Variants in FGL1 observed in about 807,000 individuals in gnomAD.
The protein encoded by FGL1 is fibrinogen like 1.
FGL1 carries 59 observed loss-of-function variants against 43.7 expected under a neutral mutation model. The observed-to-expected ratio is 1.35, with a 90% CI of 1.10 to 1.68. FGL1 has a LOEUF of 1.68. Among genes scored for constraint, FGL1 ranks in the 40% most tolerant of loss-of-function variants. FGL1 has a pLI of 0.00. For synonymous variants in FGL1, 192 were observed against 126.5 expected (o/e 1.52, Z -3.48); for missense variants, 596 against 373.0 (o/e 1.60, Z -4.92).
At chr8:17,889,059 G>A (rs539631429) in intron 1 of FGL1, among the ~76,000 whole-genome samples, 11 of 152,224 alleles carry the variant, frequency 7.2e-5, no homozygotes, top group South Asian at 4.2e-4. Flanking sequence ...AGCAGCCTGC[G>A]TGGCCTGGGG....
Position 17,895,444 on chromosome 8 carries a change from T to C in FGL1, c.-18+3A>G, listed in dbSNP as rs187046089. ...AAAAATGCAGAGACATTAAATAACT[T>C]GCCTAAAGTCAGAAGTGAGTCAGAG... is the stretch of plus-strand genomic sequence containing the variant. On this transcript the variant is annotated splice_donor_region_variant and intron_variant, in intron 1 of 7. Transcript: ENST00000427924. 7.8e-7 allele frequency: 1 copy of C among 1,283,666 alleles called. No homozygotes were observed. The highest frequency in any genetic ancestry group is 2.3e-5 in the Admixed American group (1 of 43,326). 79.5% of individuals were successfully genotyped at this position (1,283,666 alleles called of 1,614,324 possible). A position where few individuals can be genotyped will look rare whatever the true frequency, so the allele number is the denominator to read the frequency against.
chr8:17,887,407 T>C (rs1172720330), intron 1 of FGL1, among the ~76,000 whole-genome samples: 1 of 152,218 alleles, frequency 6.6e-6, no homozygotes, highest in Non-Finnish European at 1.5e-5. Flanking sequence ...GTCTTCTTTC[T>C]GAAGAGAGGC....
intron 2 of FGL1, among the ~76,000 whole-genome samples, chr8:17,883,213 AAT>A (rs1563458196): frequency 7.0e-5 from 3 of 43,088 alleles, no homozygotes; most frequent in African/African-American, 1.5e-4. Context: ...AATAATATAT[AAT>A]ATATATCATA....
chr8:17,865,007 A>T (rs1199458915), intron 7 of FGL1, among the ~76,000 whole-genome samples: 1 of 151,816 alleles, frequency 6.6e-6, no homozygotes, highest in East Asian at 1.9e-4. Context: ...GCTGGTCTCC[A>T]ACTCCTGAGC....
intron 2 of FGL1, among the ~76,000 whole-genome samples, chr8:17,884,185 CCTT>C (rs2053594665): frequency 7.0e-6 from 1 of 143,202 alleles, no homozygotes; most frequent in Admixed American, 6.9e-5. Context: ...TAGGATGATT[CCTT>C]CTCTCTCTCT....
chr8:17,880,913 C>G (rs1231389430), intron 3 of FGL1, among the ~76,000 whole-genome samples: 1 of 152,118 alleles, frequency 6.6e-6, no homozygotes, highest in Non-Finnish European at 1.5e-5. Context: ...TTGAAAGGAA[C>G]ATTATGAAAT....
intron 3 of FGL1, among the ~76,000 whole-genome samples, chr8:17,879,968 C>T (rs186044181): frequency 6.6e-6 from 1 of 152,278 alleles, no homozygotes; most frequent in East Asian, 1.9e-4. Context: ...TAATGATGAT[C>T]CACTGGCATC....
At chr8:17,875,539 T>TTCTCTCTCTCTCTCTCTCTCTC (rs1563452396) in intron 3 of FGL1, among the ~76,000 whole-genome samples, 1 of 14,658 alleles carries the variant, frequency 6.8e-5, no homozygotes, top group African/African-American at 2.0e-4. Flanking sequence ...TTCTTTCTCT[T>TTCTCTCTCTCTCTCTCTCTCTC]TCTTTCTTTC....
At chr8:17,883,494 T>G (rs1393463676) in intron 2 of FGL1, among the ~76,000 whole-genome samples, 1 of 128,906 alleles carries the variant, frequency 7.8e-6, no homozygotes, top group Non-Finnish European at 1.5e-5. Flanking sequence ...TATAATATAT[T>G]AAATATATTT....
At chr8:17,888,969 G>A (rs1340422271) in intron 1 of FGL1, among the ~76,000 whole-genome samples, 1 of 152,092 alleles carries the variant, frequency 6.6e-6, no homozygotes, top group Non-Finnish European at 1.5e-5. Flanking sequence ...CACAATAAGA[G>A]AATAATATTT....
intron 1 of FGL1, among the ~76,000 whole-genome samples, chr8:17,886,293 G>C (rs185163944): frequency 2.6e-5 from 4 of 152,294 alleles, no homozygotes; most frequent in Non-Finnish European, 4.4e-5. Context: ...GAGTTAAGAA[G>C]GAGTTGGGGA....
chr8:17,868,023 T>C (rs576517512), intron 7 of FGL1, among the ~76,000 whole-genome samples: 2 of 152,334 alleles, frequency 1.3e-5, no homozygotes, highest in African/African-American at 4.8e-5. Flanking sequence ...TAAAGTAACA[T>C]GAATGTATTC....
At chr8:17,884,846 G>A (rs957103440) in intron 2 of FGL1, among the ~76,000 whole-genome samples, 4 of 152,082 alleles carry the variant, frequency 2.6e-5, no homozygotes, top group Non-Finnish European at 5.9e-5. Flanking sequence ...ATTCACAAAT[G>A]AAGGACAACA....
At chr8:17,876,532 G>A (rs2053458650) in intron 3 of FGL1, among the ~76,000 whole-genome samples, 1 of 152,100 alleles carries the variant, frequency 6.6e-6, no homozygotes, top group South Asian at 2.1e-4. Context: ...TTATAAAAAG[G>A]ATCCTGTTTT....
chr8:17,874,413 C>T lies in FGL1; in HGVS notation c.353G>A (p.Gly118Glu), dbSNP rs1389032818. The change falls in exon 4 of 8, where the codon GGA becomes GAA. Residue 118 changes from glycine to glutamate, a missense_variant. By Grantham distance (98) the Gly-to-Glu change is moderately conservative. Coordinates refer to ENST00000427924, the MANE Select transcript of FGL1 (RefSeq NM_004467.4). The part of the protein sequence containing the change: ...FSVYCDMSDG[G>E]GWTVIQRRSD... ...TCGTCTCTGAATTACAGTCCATCCT[C>T]CTCCATCGGACATGTCACAATAAAC... is the stretch of plus-strand genomic sequence containing the variant. The T allele has an allele frequency of 3.1e-6, 5 of 1,614,154 alleles. No homozygotes were observed. The highest frequency in any genetic ancestry group is 4.2e-6 in the Non-Finnish European group (5 of 1,180,016).
chr8:17,891,784 T>G (rs984881991), intron 1 of FGL1: 26 of 983,828 alleles, frequency 2.6e-5, no homozygotes, highest in South Asian at 1.4e-4. Context: ...AAGATGTCTT[T>G]ATCAGATTCC....
chr8:17,866,240 T>G (rs1170685034), intron 7 of FGL1, among the ~76,000 whole-genome samples: 1 of 152,158 alleles, frequency 6.6e-6, no homozygotes, highest in Non-Finnish European at 1.5e-5. Context: ...TGAAACTAGG[T>G]TAGGGGATGA....
At chr8:17,887,291 C>A (rs1263503138) in intron 1 of FGL1, among the ~76,000 whole-genome samples, 1 of 152,188 alleles carries the variant, frequency 6.6e-6, no homozygotes, top group Non-Finnish European at 1.5e-5. Context: ...TTTTCCTTGA[C>A]TGATCGCTCT....
intron 1 of FGL1, among the ~76,000 whole-genome samples, chr8:17,886,791 G>T (rs73212614): frequency 2.4e-5 from 1 of 41,792 alleles, no homozygotes; most frequent in Non-Finnish European, 1.3e-4. Flanking sequence ...AGAGAGGAGA[G>T]GAGAGGAGAG....
Sources: allele counts gnomAD v4.1 joint callset (sites outside exome capture counted in the v4.1 genomes callset), GRCh38; gene constraint gnomAD v4.1.1; transcripts MANE v1.5; gene names NCBI Gene and HGNC (gene_info 2026-07-23, HGNC 2026-07-21).